ADAMTS16: variants seen among roughly 807,000 people sequenced by gnomAD.
ADAMTS16 encodes the protein ADAM metallopeptidase with thrombospondin type 1 motif 16, also known as A disintegrin and metalloproteinase with thrombospondin motifs 16.
A neutral mutation model predicts 145.8 loss-of-function variants in ADAMTS16; 94 were observed. The ratio of observed to expected loss-of-function variants is 0.64; its 90% CI spans 0.55 to 0.77. The LOEUF (loss-of-function observed/expected upper bound fraction) is 0.77, where lower values mean the gene tolerates loss of function less well. Ranked by LOEUF, ADAMTS16 falls within the 30% of genes least tolerant of loss-of-function variation. ADAMTS16 has a pLI of 0.00. For missense variants in ADAMTS16, 1,585 were observed against 1,591.5 expected, an observed-to-expected ratio of 1.00 and a Z score of 0.07; for synonymous variants, 659 against 604.3, an observed-to-expected ratio of 1.09 and a Z score of -1.33.
At chr5:5,162,759 A>AGAGAGGAGAGGAGAGGAGAG (rs10545197) in intron 3 of ADAMTS16, among the ~76,000 whole-genome samples, 1 of 150,094 alleles carries the variant, frequency 6.7e-6, no homozygotes, top group African/African-American at 2.5e-5. Flanking sequence ...AGAGAAGAGA[A>AGAGAGGAGAGGAGAGGAGAG]GAGAGGAGAG....
chr5:5,208,146 G>C (rs189684411), intron 9 of ADAMTS16, among the ~76,000 whole-genome samples: 1 of 152,228 alleles, frequency 6.6e-6, no homozygotes, highest in East Asian at 1.9e-4. Flanking sequence ...ACCCATCTGG[G>C]CTATATGTTG....
chr5:5,221,994 G>C (rs1024379535), intron 10 of ADAMTS16, among the ~76,000 whole-genome samples: 1 of 152,192 alleles, frequency 6.6e-6, no homozygotes, highest in African/African-American at 2.4e-5. Context: ...TTTTCAGCAT[G>C]TCCAGTTGAG....
intron 11 of ADAMTS16, among the ~76,000 whole-genome samples, chr5:5,226,134 A>T (rs1736760276): frequency 6.6e-6 from 1 of 152,206 alleles, no homozygotes; most frequent in African/African-American, 2.4e-5. Context: ...TCCTTTTGGT[A>T]TAGTGAGTGT....
chr5:5,151,733 T>G (rs1226403840), intron 3 of ADAMTS16, among the ~76,000 whole-genome samples: 10 of 144,196 alleles, frequency 6.9e-5, no homozygotes, highest in South Asian at 2.2e-4. Flanking sequence ...TGTATGTGTG[T>G]GGGGGGTAAG....
chr5:5,304,995 ACACACACACATCCCACAC>A (rs1438436999), intron 20 of ADAMTS16, among the ~76,000 whole-genome samples: 1 of 119,206 alleles, frequency 8.4e-6, no homozygotes, highest in African/African-American at 3.1e-5. Flanking sequence ...TACACCACAC[ACACACACACATCCCACAC>A]CACACACACA....
At chr5:5,214,115 A>G (rs34035610) in intron 10 of ADAMTS16, among the ~76,000 whole-genome samples, 464 of 152,226 alleles carry the variant, frequency 3.0e-3, no homozygotes, top group Middle Eastern at 0.027. Flanking sequence ...TTCTCCTTGC[A>G]TGTTTTCCTT....
intron 18 of ADAMTS16, among the ~76,000 whole-genome samples, chr5:5,267,724 G>A (rs1488368719): frequency 2.6e-5 from 4 of 152,176 alleles, no homozygotes; most frequent in African/African-American, 9.7e-5. Context: ...GGGGCATAGT[G>A]GGCCAGGGTG....
In ADAMTS16 at chr5:5,234,827, A is replaced by G. The variant is rs555405303; in HGVS notation, c.1851-187A>G. 1.0e-4 allele frequency among the ~76,000 whole-genome samples: 15 copies of G among 144,776 alleles called. No individual in the cohort carries two copies. The East Asian group carries it at 2.3e-3, about 22-fold the overall frequency. 95.0% of individuals were successfully genotyped at this position (144,776 alleles called of 152,430 possible). On this transcript the variant is annotated intron_variant, in intron 12 of 22. Transcript: ENST00000274181. ...AGCGGTTGCAGCGAGCCGAGATCAC[A>G]CTACTACACTCCAGCCTGGGTGACA...
intron 18 of ADAMTS16, among the ~76,000 whole-genome samples, chr5:5,266,207 C>A (rs913172993): frequency 6.6e-6 from 1 of 152,224 alleles, no homozygotes; most frequent in South Asian, 2.1e-4. Context: ...CTCTGTGAAG[C>A]CCATCTAGAG....
intron 2 of ADAMTS16, chr5:5,142,472 ATAAATGGCTAATGTGTGAGTC>A (rs1734193655): frequency 6.6e-6 from 1 of 152,286 alleles, no homozygotes; most frequent in African/African-American, 2.4e-5. Flanking sequence ...CTCCTTAATT[ATAAATGGCTAATGTGTGAGTC>A]TGGACATCCA....
chr5:5,290,547 C>T (rs532283917), intron 18 of ADAMTS16, among the ~76,000 whole-genome samples: 1 of 152,116 alleles, frequency 6.6e-6, no homozygotes, highest in African/African-American at 2.4e-5. Context: ...CCCAGCTACT[C>T]AGGAGGCTGA....
At chr5:5,250,828 C>A (rs577005437) in intron 17 of ADAMTS16, among the ~76,000 whole-genome samples, 215 of 152,042 alleles carry the variant, frequency 1.4e-3, no homozygotes, top group African/African-American at 4.9e-3. Flanking sequence ...TGTCAGTCAA[C>A]AATATATAAG....
intron 11 of ADAMTS16, among the ~76,000 whole-genome samples, chr5:5,231,030 A>G (rs1443022733): frequency 1.3e-5 from 2 of 152,164 alleles, no homozygotes; most frequent in East Asian, 3.8e-4. Flanking sequence ...AAACGACAAC[A>G]ACTAGCACAC....
At chr5:5,203,892 C>T (rs1371138527) in intron 9 of ADAMTS16, among the ~76,000 whole-genome samples, 1 of 152,158 alleles carries the variant, frequency 6.6e-6, no homozygotes, top group African/African-American at 2.4e-5. Context: ...GTACCCCATA[C>T]TACTTCTGTT....
chr5:5,143,955 G>A (rs1734229982), intron 2 of ADAMTS16, among the ~76,000 whole-genome samples: 1 of 150,130 alleles, frequency 6.7e-6, no homozygotes, highest in Non-Finnish European at 1.5e-5. Flanking sequence ...ACAGGGAAAG[G>A]AACATCACAC....
intron 3 of ADAMTS16, among the ~76,000 whole-genome samples, chr5:5,151,441 T>C (rs1734454787): frequency 1.3e-5 from 2 of 151,998 alleles, no homozygotes; most frequent in South Asian, 2.1e-4. Flanking sequence ...GGTTTCACCA[T>C]GTTGGCCAGG....
At chr5:5,225,746 G>A (rs899035777) in intron 11 of ADAMTS16, among the ~76,000 whole-genome samples, 7 of 152,202 alleles carry the variant, frequency 4.6e-5, no homozygotes, top group Admixed American at 1.3e-4. Flanking sequence ...GAGGATTGAA[G>A]ATTCGTGAGT....
intron 4 of ADAMTS16, among the ~76,000 whole-genome samples, chr5:5,183,667 G>A (rs1328638642): frequency 6.6e-6 from 1 of 152,170 alleles, no homozygotes; most frequent in Non-Finnish European, 1.5e-5. Flanking sequence ...GAAGGTGGTC[G>A]CCATGACTCA....
rs377397853 is a variant in ADAMTS16 at position 5,184,145 on chromosome 5, C to T, written c.763+1840C>T. ...CGCTGCTTCCTACTGGAGCGTGCAT[C>T]CTCAGGGCCCTGTGTCACCTGCTCA... On this transcript the variant is annotated intron_variant, in intron 4 of 22. Coordinates refer to ENST00000274181, the MANE Select transcript of ADAMTS16 (RefSeq NM_139056.4). Among the ~76,000 whole-genome samples the T allele has an allele frequency of 1.1e-4, 16 of 152,172 alleles. 1 individual carries two copies. The East Asian group carries it at 1.9e-3, about 18-fold the overall frequency.
Sources: allele counts gnomAD v4.1 joint callset (sites outside exome capture counted in the v4.1 genomes callset), GRCh38; gene constraint gnomAD v4.1.1; transcripts MANE v1.5; gene names NCBI Gene and HGNC (gene_info 2026-07-23, HGNC 2026-07-21).